GSE1: variants seen among roughly 807,000 people sequenced by gnomAD.
GSE1 encodes the protein Gse1 coiled-coil protein, also known as genetic suppressor element 1.
A neutral mutation model predicts 112.6 loss-of-function variants in GSE1; 32 were observed. The ratio of observed to expected loss-of-function variants is 0.28; its 90% CI spans 0.21 to 0.38. The LOEUF is 0.38. Among genes scored for constraint, GSE1 ranks in the 10% least tolerant of loss-of-function variants. The pLI is 1.00. For missense variants in GSE1, 2,348 were observed against 1,699.2 expected, an observed-to-expected ratio of 1.38 and a Z score of -6.71; for synonymous variants, 1,115 against 735.6, an observed-to-expected ratio of 1.52 and a Z score of -8.35.
intron 1 of GSE1, among the ~76,000 whole-genome samples, chr16:85,296,905 C>T (rs2045382995): frequency 6.6e-6 from 1 of 152,212 alleles, no homozygotes; most frequent in Non-Finnish European, 1.5e-5. Flanking sequence ...GGGTCTGAAC[C>T]CAGGGGGTCT....
intron 1 of GSE1, among the ~76,000 whole-genome samples, chr16:85,249,013 G>A (rs1382384944): frequency 6.6e-6 from 1 of 152,224 alleles, no homozygotes; most frequent in African/African-American, 2.4e-5. Context: ...GACACAGATA[G>A]GAGGCAGCTC....
intron 1 of GSE1, among the ~76,000 whole-genome samples, chr16:85,571,647 A>G (rs2045985555): frequency 6.6e-6 from 1 of 152,216 alleles, no homozygotes; most frequent in Admixed American, 6.5e-5. Flanking sequence ...GACCTGGAGC[A>G]GGGACCTGAC....
chr16:85,438,504 C>T (rs1009600428), intron 2 of GSE1, among the ~76,000 whole-genome samples: 5 of 152,172 alleles, frequency 3.3e-5, no homozygotes, highest in African/African-American at 9.7e-5. Context: ...ACTTAATCCT[C>T]GGGACAATCT....
chr16:85,434,307 C>CTGA (rs761838741), intron 2 of GSE1, among the ~76,000 whole-genome samples: 6 of 142,296 alleles, frequency 4.2e-5, no homozygotes, highest in African/African-American at 1.3e-4. Context: ...GGATGGTGGT[C>CTGA]TAATAATAAT....
intron 2 of GSE1, among the ~76,000 whole-genome samples, chr16:85,527,189 G>C (rs1370017887): frequency 6.6e-6 from 1 of 152,228 alleles, no homozygotes; most frequent in Non-Finnish European, 1.5e-5. Flanking sequence ...TCCCCCTCGT[G>C]AGGAACCGCT....
At chr16:85,413,044 G>A (rs899272639) in intron 2 of GSE1, among the ~76,000 whole-genome samples, 12 of 152,186 alleles carry the variant, frequency 7.9e-5, no homozygotes, top group African/African-American at 2.9e-4. Context: ...AAGGTTCCGT[G>A]CTGCTGCTGG....
At chr16:85,600,579 A>ACC (rs1293905728) in intron 1 of GSE1, among the ~76,000 whole-genome samples, 2 of 150,394 alleles carry the variant, frequency 1.3e-5, no homozygotes, top group African/African-American at 5.0e-5. Context: ...ACACACACAC[A>ACC]CACCCCAAAC....
At chr16:85,590,787 C>T (rs2046971656) in intron 1 of GSE1, among the ~76,000 whole-genome samples, 2 of 152,190 alleles carry the variant, frequency 1.3e-5, no homozygotes, top group African/African-American at 4.8e-5. Flanking sequence ...CCACGCTGCA[C>T]CACCATTTGG....
At chr16:85,385,556 A>C (rs900763) in intron 2 of GSE1, among the ~76,000 whole-genome samples, 144,313 of 152,218 alleles carry the variant, frequency 0.95, 68,905 homozygotes, top group East Asian at 1. Context: ...CTGAGGTGGA[A>C]CCCTGGTGGA....
chr16:85,547,810 C>T (rs1235305807), intron 2 of GSE1, among the ~76,000 whole-genome samples: 1 of 142,614 alleles, frequency 7.0e-6, no homozygotes, highest in East Asian at 2.0e-4. Context: ...ACCCTGGAGG[C>T]GGAGGCTGTA....
intron 1 of GSE1, among the ~76,000 whole-genome samples, chr16:85,291,963 A>T (rs2045228133): frequency 6.6e-6 from 1 of 152,058 alleles, no homozygotes. Flanking sequence ...CCTGCCCTTG[A>T]CCCTGGGAGC....
chr16:85,241,546 C>A (rs561002225), intron 1 of GSE1, among the ~76,000 whole-genome samples: 1 of 151,964 alleles, frequency 6.6e-6, no homozygotes, highest in Admixed American at 6.6e-5. Flanking sequence ...CCTCACACCG[C>A]AGGGAGGGGG....
intron 2 of GSE1, among the ~76,000 whole-genome samples, chr16:85,645,141 C>T (rs732461): frequency 0.18 from 27,865 of 151,052 alleles, 3,055 homozygotes; most frequent in Middle Eastern, 0.26. Flanking sequence ...TTGGCCCGGT[C>T]GACTTGGGGT....
rs916828927 is a variant in GSE1, at chr16:85,535,238, G to A, written c.2465-98676G>A. Among the ~76,000 whole-genome samples, 12 of 152,212 alleles carry A rather than the reference G, an allele frequency of 7.9e-5. No homozygotes were observed. In the East Asian group the frequency reaches 9.6e-4, roughly 12 times the overall value. On this transcript the variant is annotated intron_variant, in intron 2 of 2. Coordinates refer to the GSE1 transcript ENST00000637419. ...ACTCTGGTTCCTGCCTCACGGTGCC[G>A]AGATGGTGGAGCAGCCAGTTCAGAG...
intron 1 of GSE1, among the ~76,000 whole-genome samples, chr16:85,236,588 G>A (rs1327952596): frequency 6.6e-6 from 1 of 152,144 alleles, no homozygotes; most frequent in Non-Finnish European, 1.5e-5. Context: ...ATAGGCCTGG[G>A]GGTGGGTTGG....
chr16:85,618,166 T>C (rs1214998317), intron 1 of GSE1, among the ~76,000 whole-genome samples: 1 of 151,380 alleles, frequency 6.6e-6, no homozygotes, highest in Non-Finnish European at 1.5e-5. Context: ...TCTGAGGAGG[T>C]GTGTGTAATA....
At chr16:85,247,632 C>A (rs1158356824) in intron 1 of GSE1, among the ~76,000 whole-genome samples, 2 of 152,256 alleles carry the variant, frequency 1.3e-5, no homozygotes, top group Non-Finnish European at 1.5e-5. Context: ...ACCTGCCTGT[C>A]CTGGGGTTTA....
At chr16:85,280,616 G>T (rs950093268) in intron 1 of GSE1, among the ~76,000 whole-genome samples, 1 of 152,118 alleles carries the variant, frequency 6.6e-6, no homozygotes, top group South Asian at 2.1e-4. Context: ...GGCCGCTCTC[G>T]AACTTCTGAC....
chr16:85,264,175 T>A (rs188835180), intron 1 of GSE1, among the ~76,000 whole-genome samples: 254 of 152,226 alleles, frequency 1.7e-3, no homozygotes, highest in Middle Eastern at 3.4e-3. Flanking sequence ...CAGCTGGAGC[T>A]TGGAGTGGGC....
Sources: gnomAD v4.1 joint callset for allele counts (sites outside exome capture counted in the v4.1 genomes callset) on GRCh38, gnomAD v4.1.1 for gene constraint, MANE v1.5 for transcripts, NCBI Gene and HGNC (gene_info 2026-07-23, HGNC 2026-07-21) for gene names.